Variants in SCLT1 observed in about 807,000 individuals in gnomAD.
The protein encoded by SCLT1 is sodium channel and clathrin linker 1.
A neutral mutation model predicts 112.8 loss-of-function variants in SCLT1; 78 were observed. That is an observed-to-expected ratio of 0.69 (90% CI 0.58 to 0.83). The LOEUF (loss-of-function observed/expected upper bound fraction) is 0.83. Ranked by LOEUF, SCLT1 falls within the 40% of genes least tolerant of loss-of-function variation. The probability of loss-of-function intolerance (pLI) is 0.00; values close to 1 mark genes in which losing one functional copy is unlikely to be tolerated. For synonymous variants in SCLT1, 257 were observed against 254.7 expected, an observed-to-expected ratio of 1.01 and a Z score of -0.09; for missense variants, 747 against 770.4, an observed-to-expected ratio of 0.97 and a Z score of 0.36.
intron 18 of SCLT1, among the ~76,000 whole-genome samples, chr4:128,925,282 T>C (rs1203534761): frequency 6.6e-6 from 1 of 152,156 alleles, no homozygotes; most frequent in Non-Finnish European, 1.5e-5. Context: ...GAGCAATTTG[T>C]TATGCAGTAG....
At chr4:129,070,013 A>C (rs181566788) in intron 2 of SCLT1, among the ~76,000 whole-genome samples, 373 of 152,214 alleles carry the variant, frequency 2.5e-3, no homozygotes, top group Admixed American at 4.9e-3. Context: ...TGAGATGATC[A>C]TGTGATTCTT....
At chr4:129,043,267 GCCA>G in intron 4 of SCLT1, 125 bp downstream of exon 4, 13 of 637,170 alleles carry the variant, frequency 2.0e-5, no homozygotes, top group Middle Eastern at 8.6e-4. Flanking sequence ...TTTACATAGG[GCCA>G]CCAATTGGTT....
At chr4:128,907,917 A>C (rs571444480) in intron 18 of SCLT1, among the ~76,000 whole-genome samples, 1 of 152,324 alleles carries the variant, frequency 6.6e-6, no homozygotes, top group Admixed American at 6.5e-5. Flanking sequence ...ATATGAAATA[A>C]AACAAAGTTA....
At chr4:128,920,055 T>A (rs1294071050) in intron 18 of SCLT1, among the ~76,000 whole-genome samples, 1 of 152,134 alleles carries the variant, frequency 6.6e-6, no homozygotes, top group Non-Finnish European at 1.5e-5. Flanking sequence ...TATGAGGCCA[T>A]AATCATCCTG....
intron 2 of SCLT1, among the ~76,000 whole-genome samples, chr4:129,052,004 C>T (rs181424654): frequency 2.6e-4 from 40 of 152,000 alleles, no homozygotes; most frequent in African/African-American, 9.2e-4. Context: ...TTTGTCACTG[C>T]TTCTGTTTAT....
intron 9 of SCLT1, among the ~76,000 whole-genome samples, chr4:128,985,877 C>T (rs1212782978): frequency 6.6e-6 from 1 of 152,166 alleles, no homozygotes; most frequent in African/African-American, 2.4e-5. Flanking sequence ...CTGTGCCCAG[C>T]CTAAATCTCG....
At position 128,943,044 on chromosome 4, in the gene SCLT1, C is replaced by G. The variant is rs1182733005; in HGVS notation, c.1584G>C (p.Glu528Asp). The G allele has an allele frequency of 1.2e-6, 2 of 1,612,970 alleles. No homozygotes were observed. Among genetic ancestry groups the G allele is most frequent in the East Asian group, 4.5e-5 (2 of 44,828 alleles). The change falls in exon 17 of 21, where the codon GAG becomes GAC. Residue 528 changes from glutamate (E) to aspartate (D), a missense_variant. By Grantham distance (45) the Glu-to-Asp change is conservative. Around this residue, in one of 2 missense-constraint regions of SCLT1, gnomAD observed 723 missense variants for 721.3 expected, o/e 1.00. Transcript: ENST00000281142. ...CCTCCAGGGCAATCTTCCTTAAACT[C>G]TCAGTCTCTTTCCGTAACTGTTTAT... ...QENKQLRKET[E>D]SLRKIALEAQ... is the part of the protein sequence containing the mutation.
At chr4:128,961,836 T>C (rs1739762852) in intron 11 of SCLT1, among the ~76,000 whole-genome samples, 1 of 152,246 alleles carries the variant, frequency 6.6e-6, no homozygotes, top group Non-Finnish European at 1.5e-5. Flanking sequence ...CAGGCTCATA[T>C]GAGGGCAGAG....
intron 18 of SCLT1, among the ~76,000 whole-genome samples, chr4:128,907,450 TGAG>T (rs531330730): frequency 2.5e-4 from 38 of 152,268 alleles, no homozygotes; most frequent in African/African-American, 9.1e-4. Context: ...GTTTGGGTTA[TGAG>T]GAGGAGTCCA....
rs569100479 is a variant in SCLT1 at position 128,963,720 on chromosome 4, C to A, written c.869+1507G>T. ...AAATTATTAAAACTTCATTTCACTT[C>A]TTTTCTTCTCAAATCTAATTATTAT... On this transcript the variant is annotated intron_variant, in intron 11 of 20. Transcript: ENST00000281142. Among the ~76,000 whole-genome samples, 148 of 152,300 alleles carry A rather than the reference C, an allele frequency of 9.7e-4. 1 individual carries two copies. Among genetic ancestry groups the A allele is most frequent in the Middle Eastern group, 3.4e-3 (1 of 294 alleles).
At chr4:129,052,473 A>G (rs530466474) in intron 2 of SCLT1, among the ~76,000 whole-genome samples, 14 of 151,892 alleles carry the variant, frequency 9.2e-5, no homozygotes, top group Non-Finnish European at 1.9e-4. Context: ...GTGTTCAGGA[A>G]TTCATTCATT....
At chr4:128,968,461 CT>C (rs1336991003) in intron 10 of SCLT1, among the ~76,000 whole-genome samples, 1 of 152,126 alleles carries the variant, frequency 6.6e-6, no homozygotes, top group African/African-American at 2.4e-5. Context: ...TTATCTATCT[CT>C]TCCTAGAGAC....
At chr4:129,003,627 A>T in intron 6 of SCLT1, 114 bp downstream of exon 6, 1 of 887,428 alleles carries the variant, frequency 1.1e-6, no homozygotes, top group South Asian at 1.9e-5. Context: ...TAAACTGTAA[A>T]AAATCATAAT....
chr4:129,026,285 A>G (rs1420630286), intron 5 of SCLT1, among the ~76,000 whole-genome samples: 1 of 152,180 alleles, frequency 6.6e-6, no homozygotes, highest in Non-Finnish European at 1.5e-5. Context: ...TCCAAAATTG[A>G]CCACATACTG....
rs893197200 is a variant in SCLT1, at chr4:128,954,322, T to G, written c.1147-1482A>C. 2.3e-4 allele frequency among the ~76,000 whole-genome samples: 34 copies of G among 149,388 alleles called. No homozygotes were observed. The East Asian group carries it at 5.8e-3, about 26-fold the overall frequency. On this transcript the variant is annotated intron_variant, in intron 13 of 20. Coordinates refer to ENST00000281142, the MANE Select transcript of SCLT1 (RefSeq NM_144643.4). ...TTATTTCTGGGTCTATTTTAGTTTT[T>G]TTTTTTTTTTTTTTGAGACAGAGTC...
intron 20 of SCLT1, among the ~76,000 whole-genome samples, chr4:128,885,619 G>A (rs532529629): frequency 1.3e-5 from 2 of 152,242 alleles, no homozygotes; most frequent in East Asian, 3.9e-4. Context: ...TAAAAGGAGA[G>A]ACAATGCTTC....
chr4:128,969,538 C>G (rs1388055099), intron 10 of SCLT1, among the ~76,000 whole-genome samples: 2 of 152,098 alleles, frequency 1.3e-5, no homozygotes, highest in Non-Finnish European at 2.9e-5. Context: ...AGCCACTGCA[C>G]TCCAGCCTGG....
intron 1 of SCLT1, among the ~76,000 whole-genome samples, chr4:129,083,010 G>A: frequency 6.6e-6 from 1 of 151,862 alleles, no homozygotes; most frequent in East Asian, 1.9e-4. Flanking sequence ...TGGCCAACAT[G>A]GTGAAACCCC....
At chr4:129,026,349 T>A (rs1177386268) in intron 5 of SCLT1, among the ~76,000 whole-genome samples, 1 of 152,006 alleles carries the variant, frequency 6.6e-6, no homozygotes, top group Non-Finnish European at 1.5e-5. Flanking sequence ...TAACAAACTG[T>A]CTCTCAGACC....
Sources: allele counts gnomAD v4.1 joint callset (sites outside exome capture counted in the v4.1 genomes callset), GRCh38; gene constraint gnomAD v4.1.1; regional missense constraint gnomAD v4.1.1; transcripts MANE v1.5; gene names NCBI Gene and HGNC (gene_info 2026-07-23, HGNC 2026-07-21).